ADGRB3: variants seen among roughly 807,000 people sequenced by gnomAD.
ADGRB3 encodes the protein brain-specific angiogenesis inhibitor 3.
ADGRB3 carries 37 observed loss-of-function variants against 193.4 expected under a neutral mutation model. That is an observed-to-expected ratio of 0.19 (90% CI 0.15 to 0.25). The LOEUF is 0.25. ADGRB3 is among the 10% of genes least tolerant of loss of function. The pLI is 1.00. For synonymous variants in ADGRB3, 690 were observed against 644.2 expected, an observed-to-expected ratio of 1.07 and a Z score of -1.08; for missense variants, 1,637 against 1,852.9, an observed-to-expected ratio of 0.88 and a Z score of 2.14.
chr6:69,187,871 G>A (rs1765103065), intron 17 of ADGRB3, among the ~76,000 whole-genome samples: 1 of 152,128 alleles, frequency 6.6e-6, no homozygotes, highest in Non-Finnish European at 1.5e-5. Context: ...ACCAAGTCCT[G>A]CTTGTCCAGA....
At chr6:69,293,171 A>G (rs1212724969) in intron 20 of ADGRB3, among the ~76,000 whole-genome samples, 1 of 152,200 alleles carries the variant, frequency 6.6e-6, no homozygotes, top group Non-Finnish European at 1.5e-5. Context: ...TTATAAATCA[A>G]ATACAAATTG....
In ADGRB3 at chr6:68,973,223, G is replaced by C. The variant is rs942520893; in HGVS notation, c.1526-1540G>C. ...GTGGATTCTAGGATCCAGTCCTGCT[G>C]ACACCTCCACCAGCTCTGTCTCCTT... On this transcript the variant is annotated intron_variant, in intron 8 of 31. Transcript: ENST00000370598. Among the ~76,000 whole-genome samples the C allele has an allele frequency of 3.2e-4, 46 of 144,028 alleles. 1 individual carries two copies. Among genetic ancestry groups the C allele is most frequent in the African/African-American group, 9.5e-4 (39 of 40,942 alleles). 94.5% of individuals were successfully genotyped at this position (144,028 alleles called of 152,430 possible).
intron 17 of ADGRB3, among the ~76,000 whole-genome samples, chr6:69,198,963 G>C (rs1765357130): frequency 6.6e-6 from 1 of 152,114 alleles, no homozygotes; most frequent in Non-Finnish European, 1.5e-5. Context: ...GCTCGTTGGA[G>C]CAAATGATGA....
chr6:68,926,726 A>G (rs564626162), intron 3 of ADGRB3, among the ~76,000 whole-genome samples: 1 of 152,238 alleles, frequency 6.6e-6, no homozygotes, highest in South Asian at 2.1e-4. Context: ...TACACATGGT[A>G]AAATAAGAAA....
intron 5 of ADGRB3, among the ~76,000 whole-genome samples, chr6:68,941,221 C>T (rs1003005969): frequency 2.6e-5 from 4 of 152,012 alleles, no homozygotes; most frequent in Non-Finnish European, 4.4e-5. Flanking sequence ...ATAAAAATGT[C>T]TAATCTTTAA....
intron 17 of ADGRB3, among the ~76,000 whole-genome samples, chr6:69,223,652 C>CTCT (rs1215865430): frequency 8.2e-5 from 9 of 110,398 alleles, no homozygotes; most frequent in African/African-American, 3.5e-4. Flanking sequence ...CTCTCTCTCT[C>CTCT]TTTTTTTTTT....
intron 17 of ADGRB3, among the ~76,000 whole-genome samples, chr6:69,149,860 C>T (rs1774618647): frequency 6.6e-6 from 1 of 152,032 alleles, no homozygotes; most frequent in South Asian, 2.1e-4. Flanking sequence ...ATTCTCTTCG[C>T]TCTCTTCCCC....
At chr6:69,224,032 A>G (rs1582557939) in intron 17 of ADGRB3, among the ~76,000 whole-genome samples, 1 of 152,194 alleles carries the variant, frequency 6.6e-6, no homozygotes. Flanking sequence ...AAAATGGAGA[A>G]GTATAAAAAT....
intron 17 of ADGRB3, among the ~76,000 whole-genome samples, chr6:69,135,371 T>G (rs1053679730): frequency 1.3e-5 from 2 of 151,968 alleles, no homozygotes; most frequent in Non-Finnish European, 2.9e-5. Flanking sequence ...CCTGGTGACG[T>G]TGGTTTCAAT....
chr6:68,674,743 G>A (rs761941763), intron 3 of ADGRB3, among the ~76,000 whole-genome samples: 15 of 152,340 alleles, frequency 9.8e-5, no homozygotes, highest in Non-Finnish European at 1.8e-4. Context: ...AAAGGAAGAA[G>A]AGAACGGCAT....
chr6:69,245,134 C>A (rs1490497109), intron 20 of ADGRB3, among the ~76,000 whole-genome samples: 1 of 151,898 alleles, frequency 6.6e-6, no homozygotes, highest in Non-Finnish European at 1.5e-5. Context: ...TGGAGTAAAT[C>A]TAATAAATCA....
chr6:69,212,932 T>C (rs1765697668), intron 17 of ADGRB3, among the ~76,000 whole-genome samples: 1 of 152,098 alleles, frequency 6.6e-6, no homozygotes, highest in South Asian at 2.1e-4. Flanking sequence ...AGAGGAGTGA[T>C]AGGAAAAAAT....
intron 17 of ADGRB3, among the ~76,000 whole-genome samples, chr6:69,214,634 A>C (rs1477289093): frequency 2.0e-5 from 3 of 151,926 alleles, no homozygotes; most frequent in African/African-American, 7.2e-5. Context: ...TGGACTGTGG[A>C]TATGTGACTT....
At chr6:69,221,755 T>C (rs1054405570) in intron 17 of ADGRB3, among the ~76,000 whole-genome samples, 41 of 152,174 alleles carry the variant, frequency 2.7e-4, no homozygotes, top group Admixed American at 2.4e-3. Context: ...GAAGGTGTTC[T>C]TCTGAGTGGA....
At chr6:68,814,160 T>C (rs1391042270) in intron 3 of ADGRB3, among the ~76,000 whole-genome samples, 1 of 152,222 alleles carries the variant, frequency 6.6e-6, no homozygotes, top group Non-Finnish European at 1.5e-5. Context: ...TGAACTAGTT[T>C]ACAGTCCCAC....
At chr6:69,184,156 C>A (rs768873595) in intron 17 of ADGRB3, among the ~76,000 whole-genome samples, 1 of 152,072 alleles carries the variant, frequency 6.6e-6, no homozygotes, top group Non-Finnish European at 1.5e-5. Context: ...ACCTTCATCT[C>A]GTCATAGCTG....
intron 30 of ADGRB3, among the ~76,000 whole-genome samples, chr6:69,378,827 C>T (rs1477678563): frequency 6.6e-6 from 1 of 151,926 alleles, no homozygotes; most frequent in Admixed American, 6.6e-5. Context: ...AGCAGGTACT[C>T]CAGACATACA....
At chr6:69,293,965 G>C (rs1377499856) in intron 20 of ADGRB3, among the ~76,000 whole-genome samples, 1 of 151,994 alleles carries the variant, frequency 6.6e-6, no homozygotes, top group Non-Finnish European at 1.5e-5. Context: ...TTTCCAGGGG[G>C]GAGGGTAGCA....
chr6:69,150,560 C>T (rs1300565693), intron 17 of ADGRB3, among the ~76,000 whole-genome samples: 4 of 152,322 alleles, frequency 2.6e-5, no homozygotes, highest in African/African-American at 9.6e-5. Flanking sequence ...AGAGCCAAGG[C>T]CTGGAACTGG....
Sources: allele counts gnomAD v4.1 joint callset (sites outside exome capture counted in the v4.1 genomes callset), GRCh38; gene constraint gnomAD v4.1.1; transcripts MANE v1.5; gene names NCBI Gene and HGNC (gene_info 2026-07-23, HGNC 2026-07-21).